Variants in DYNC2H1 observed in about 807,000 individuals in gnomAD.
DYNC2H1 encodes dynein cytoplasmic 2 heavy chain 1, also known as cytoplasmic dynein 2 heavy chain 1.
DYNC2H1 carries 410 observed loss-of-function variants against 570.0 expected under a neutral mutation model. The ratio of observed to expected loss-of-function variants is 0.72; its 90% CI spans 0.66 to 0.78. The LOEUF is 0.78. DYNC2H1 is among the 30% of genes least tolerant of loss of function. The pLI is 0.00. For synonymous variants in DYNC2H1, 1,688 were observed against 1,677.6 expected (o/e 1.01, Z -0.15); for missense variants, 4,865 against 5,046.4 (o/e 0.96, Z 1.09).
intron 75 of DYNC2H1, among the ~76,000 whole-genome samples, chr11:103,297,254 T>G (rs898028025): frequency 1.3e-5 from 2 of 152,202 alleles, no homozygotes; most frequent in African/African-American, 4.8e-5. Flanking sequence ...TAGCATCTAC[T>G]CAGTTGTTTA....
At chr11:103,372,863 T>C (rs1178203328) in intron 83 of DYNC2H1, among the ~76,000 whole-genome samples, 1 of 152,232 alleles carries the variant, frequency 6.6e-6, no homozygotes, top group Non-Finnish European at 1.5e-5. Flanking sequence ...AGTGAAGTCA[T>C]CAGGTCCTGA....
At chr11:103,154,419 A>T (rs1473392950) in intron 22 of DYNC2H1, 32 bp from the exon 23 acceptor site, 1 of 1,497,300 alleles carries the variant, frequency 6.7e-7, no homozygotes, top group Admixed American at 2.8e-5. Context: ...TTCTGTTTTT[A>T]AAATTTAATA....
intron 10 of DYNC2H1, 85 bp from the exon 11 acceptor site, chr11:103,122,740 A>G: frequency 8.8e-7 from 1 of 1,136,454 alleles, no homozygotes; most frequent in Non-Finnish European, 1.2e-6. Context: ...TTTCTGAATC[A>G]CAGATCAGAG....
chr11:103,160,283 G>T (rs1267751781), intron 28 of DYNC2H1, among the ~76,000 whole-genome samples: 1 of 151,918 alleles, frequency 6.6e-6, no homozygotes, highest in Non-Finnish European at 1.5e-5. Flanking sequence ...CAAATTTGGG[G>T]GAAAGGGAAG....
At chr11:103,127,997 T>G (rs753978975) in intron 12 of DYNC2H1, among the ~76,000 whole-genome samples, 45 of 152,198 alleles carry the variant, frequency 3.0e-4, no homozygotes, top group Admixed American at 2.6e-3. Flanking sequence ...AGGTAACATT[T>G]GAGAAGAGAC....
intron 82 of DYNC2H1, among the ~76,000 whole-genome samples, chr11:103,343,801 G>A (rs1939602980): frequency 6.6e-6 from 1 of 152,216 alleles, no homozygotes; most frequent in African/African-American, 2.4e-5. Context: ...GTAACTGCCA[G>A]TTTTGTGCTT....
intron 84 of DYNC2H1, among the ~76,000 whole-genome samples, chr11:103,418,374 G>T (rs184601456): frequency 6.6e-6 from 1 of 152,182 alleles, no homozygotes; most frequent in South Asian, 2.1e-4. Flanking sequence ...AGCTCTATAT[G>T]TGAAAACAAA....
intron 43 of DYNC2H1, among the ~76,000 whole-genome samples, chr11:103,187,952 C>T (rs1862141819): frequency 6.6e-6 from 1 of 152,018 alleles, no homozygotes; most frequent in South Asian, 2.1e-4. Context: ...TAGACTTGGT[C>T]ATGTTTTTTT....
At chr11:103,166,611 C>A (rs1422350948) in intron 31 of DYNC2H1, among the ~76,000 whole-genome samples, 4 of 152,134 alleles carry the variant, frequency 2.6e-5, no homozygotes, top group African/African-American at 9.7e-5. Flanking sequence ...CCTGGGTTAA[C>A]AATTCTTTTC....
At chr11:103,478,289 G>A (rs1445132936) in intron 88 of DYNC2H1, among the ~76,000 whole-genome samples, 1 of 151,994 alleles carries the variant, frequency 6.6e-6, no homozygotes, top group African/African-American at 2.4e-5. Flanking sequence ...TGCACCTCAT[G>A]GTAATAAAAA....
At chr11:103,235,153 C>T (rs1440590704) in intron 61 of DYNC2H1, among the ~76,000 whole-genome samples, 1 of 151,944 alleles carries the variant, frequency 6.6e-6, no homozygotes, top group African/African-American at 2.4e-5. Context: ...TTCAATGGCT[C>T]ACGTCACAGT....
In DYNC2H1 at chr11:103,405,551, G is replaced by C. The variant is rs11225770; in HGVS notation, c.12366+5679G>C. 5.3e-5 allele frequency: 8 copies of C among 151,990 alleles called. No individual in the cohort carries two copies. The South Asian group carries it at 6.2e-4, about 12-fold the overall frequency. 9.4% of individuals were successfully genotyped at this position (151,990 alleles called of 1,614,324 possible). A position where few individuals can be genotyped will look rare whatever the true frequency, so the allele number is the denominator to read the frequency against. On this transcript the variant is annotated intron_variant, in intron 84 of 88. Coordinates refer to ENST00000375735, the MANE Select transcript of DYNC2H1 (RefSeq NM_001377.3). ...AGTCAGAAGTTCATATTATTTATCC[G>C]GGGAAATGCCATGTCAGGTGCCCCA...
intron 83 of DYNC2H1, among the ~76,000 whole-genome samples, chr11:103,393,844 G>A (rs1366166242): frequency 6.6e-6 from 1 of 152,200 alleles, no homozygotes; most frequent in Non-Finnish European, 1.5e-5. Context: ...TTCTTATGTG[G>A]ATGCGGGCAG....
chr11:103,235,994 G>A (rs191830067), intron 62 of DYNC2H1, among the ~76,000 whole-genome samples, 181 bp downstream of exon 62: 1 of 151,984 alleles, frequency 6.6e-6, no homozygotes, highest in East Asian at 1.9e-4. Context: ...TTCCACAAAT[G>A]TTCTTGAATT....
chr11:103,395,917 A>C lies in DYNC2H1; in HGVS notation c.12157-3746A>C, dbSNP rs1942380454. On this transcript the variant is annotated intron_variant, in intron 83 of 88. Transcript: ENST00000375735. This position sits in a 1 kb window ranked among gnomAD's most constrained non-coding sequence, Gnocchi z 4.3. ...AAAGGTAGAATTTCCATTACATAGA[A>C]GTGAAGGTATTTTTCCCTTTTCTTT... is the stretch of plus-strand genomic sequence containing the variant. 6.6e-6 allele frequency among the ~76,000 whole-genome samples: 1 copy of C among 152,166 alleles called. No homozygotes were observed. The highest frequency in any genetic ancestry group is 1.5e-5 in the Non-Finnish European group (1 of 68,016).
chr11:103,176,174 T>G, intron 36 of DYNC2H1, 61 bp from the exon 37 acceptor site: 1 of 1,321,072 alleles, frequency 7.6e-7, no homozygotes, highest in Non-Finnish European at 1.0e-6. Context: ...ATAGAATATT[T>G]AAAAACTTTT....
At chr11:103,454,148 G>C (rs551415771) in intron 85 of DYNC2H1, among the ~76,000 whole-genome samples, 3 of 152,036 alleles carry the variant, frequency 2.0e-5, no homozygotes, top group Admixed American at 6.6e-5. Context: ...AGATGTAAAT[G>C]CTTGGGTAAA....
intron 1 of DYNC2H1, among the ~76,000 whole-genome samples, chr11:103,111,428 A>T (rs1305972304): frequency 6.6e-6 from 1 of 152,254 alleles, no homozygotes; most frequent in African/African-American, 2.4e-5. Context: ...GAGGAAAGTA[A>T]GGGACAAAAT....
Position 103,326,213 on chromosome 11 carries a change from G to T in DYNC2H1, c.12039+2223G>T, listed in dbSNP as rs1292288181. 6.6e-6 allele frequency among the ~76,000 whole-genome samples: 1 copy of T among 151,808 alleles called. No individual in the cohort carries two copies. Among genetic ancestry groups the T allele is most frequent in the Admixed American group, 6.6e-5 (1 of 15,252 alleles). On this transcript the variant is annotated intron_variant, in intron 82 of 88. Transcript: ENST00000375735. This position sits in a 1 kb window ranked among gnomAD's most constrained non-coding sequence, Gnocchi z 6.1. Reference sequence around the variant, plus strand: ...GTTTTTTTGTTATTTCCTTGTTTTCGCAGGCACGTTCTTGGGAGTAGAGGG... The same window carrying T: ...GTTTTTTTGTTATTTCCTTGTTTTCTCAGGCACGTTCTTGGGAGTAGAGGG...
Sources: allele counts gnomAD v4.1 joint callset (sites outside exome capture counted in the v4.1 genomes callset), GRCh38; gene constraint gnomAD v4.1.1; non-coding constraint Gnocchi (gnomAD v3.1); transcripts MANE v1.5; gene names NCBI Gene and HGNC (gene_info 2026-07-23, HGNC 2026-07-21).